Variants in KCNH3 observed in about 807,000 individuals in gnomAD.
KCNH3 encodes the protein voltage-gated inwardly rectifying potassium channel KCNH3.
Under a neutral mutation model 95.6 loss-of-function variants are expected in KCNH3, and 36 were observed. That is an observed-to-expected ratio of 0.38 (90% confidence interval 0.29 to 0.50). KCNH3 has a LOEUF of 0.50. KCNH3 is among the 20% of genes least tolerant of loss of function. The pLI, the probability that KCNH3 is intolerant of heterozygous loss-of-function variation, is 0.95. For synonymous variants in KCNH3, 620 were observed against 646.3 expected (o/e 0.96, Z 0.62); for missense variants, 1,030 against 1,484.1 (o/e 0.69, Z 5.03).
intron 10 of KCNH3, among the ~76,000 whole-genome samples, chr12:49,551,819 C>A (rs188549886): frequency 6.6e-6 from 1 of 152,256 alleles, no homozygotes; most frequent in East Asian, 1.9e-4. Flanking sequence ...GTTTCTCATT[C>A]ATCTGGCAAT....
intron 5 of KCNH3, 43 bp from the exon 6 acceptor site, chr12:49,543,872 C>A: frequency 1.0e-6 from 1 of 996,444 alleles, no homozygotes; most frequent in South Asian, 1.5e-5. Context: ...AGAGTGGCTG[C>A]CCCCCCAGCC....
intron 13 of KCNH3, chr12:49,556,896 T>C (rs1938477072): frequency 1.6e-6 from 1 of 609,086 alleles, no homozygotes; most frequent in Non-Finnish European, 3.0e-6. Context: ...AATGAGCTCC[T>C]AGGAATGTCC....
chr12:49,549,993 C>T, intron 9 of KCNH3, 87 bp from the exon 10 acceptor site: 4 of 1,396,970 alleles, frequency 2.9e-6, no homozygotes, highest in Non-Finnish European at 3.8e-6. Flanking sequence ...GTTCCTGAGG[C>T]CTGCCAGGGT....
intron 10 of KCNH3, among the ~76,000 whole-genome samples, chr12:49,553,984 A>T (rs550953645): frequency 6.6e-6 from 1 of 152,274 alleles, no homozygotes; most frequent in Admixed American, 6.5e-5. Context: ...GTTTGTTCTG[A>T]CTTTTGCAGG....
chr12:49,543,619 G>C lies in KCNH3; in HGVS notation c.823+101G>C, dbSNP rs1000522784. ...TCCAGGGTGCTACAGTGCCCCCCTC[G>C]CTCTCTCTCATTTGTAACCTGTGAG... On this transcript the variant is annotated intron_variant, in intron 5 of 14. Coordinates refer to ENST00000257981, the MANE Select transcript of KCNH3 (RefSeq NM_012284.3). 3.5e-6 allele frequency: 5 copies of C among 1,438,282 alleles called. No homozygotes were observed. In the South Asian group the frequency reaches 6.7e-5, roughly 19 times the overall value. The allele number at this position is 1,438,282 out of a possible 1,614,324, so 89.1% of individuals were successfully genotyped here.
Position 49,541,023 on chromosome 12 carries a change from C to T in KCNH3, c.201C>T (p.Cys67=). ...AGGTCATGCAGCGGGGCTGTGCCTG[C>T]TCCTTCCTTTATGGGCCAGACACCA... The part of the protein sequence containing the change: ...RAEVMQRGCA[C]SFLYGPDTSE... The change falls in exon 2 of 15, where the codon TGC becomes TGT. Residue 67 remains cysteine, a synonymous_variant. Transcript: ENST00000257981. The T allele has an allele frequency of 6.2e-7, 1 of 1,614,030 alleles. No homozygotes were observed. Among genetic ancestry groups the T allele is most frequent in the Non-Finnish European group, 8.5e-7 (1 of 1,180,044 alleles).
intron 8 of KCNH3, 64 bp from the exon 9 acceptor site, chr12:49,549,377 G>GC (rs1376523096): frequency 5.7e-6 from 9 of 1,574,870 alleles, no homozygotes; most frequent in Non-Finnish European, 7.8e-6. Context: ...GGACAGATGA[G>GC]CCCAGCGTGG....
intron 10 of KCNH3, among the ~76,000 whole-genome samples, chr12:49,553,313 CTGT>C (rs199602952): frequency 5.2e-4 from 79 of 152,060 alleles, no homozygotes; most frequent in African/African-American, 8.2e-4. Flanking sequence ...ATTTTTGCTG[CTGT>C]TGTTGTTGTT....
Position 49,558,013 on chromosome 12 carries a change from TCA to T in KCNH3, c.*61_*62del. On this transcript the variant is annotated 3_prime_UTR_variant, in exon 15 of 15. Coordinates refer to ENST00000257981, the MANE Select transcript of KCNH3 (RefSeq NM_012284.3). ...CTGCCATCTGCTGTTCGGCCCAACC[TCA>T]GAGTGAAGGCAGGGTGGCAGCCTCC... is the stretch of plus-strand genomic sequence containing the variant. The T allele has an allele frequency of 1.4e-6, 2 of 1,418,208 alleles. No individual in the cohort carries two copies. Among genetic ancestry groups the T allele is most frequent in the Admixed American group, 2.5e-5 (1 of 39,502 alleles). The allele number at this position is 1,418,208 out of a possible 1,614,324, so 87.9% of individuals were successfully genotyped here.
intron 12 of KCNH3, 130 bp from the exon 13 acceptor site, chr12:49,556,240 T>G: frequency 1.4e-6 from 1 of 722,946 alleles, no homozygotes; most frequent in African/African-American, 1.8e-5. Flanking sequence ...CATGTTAGCT[T>G]TCTCCTGGGC....
chr12:49,555,581 G>A, intron 11 of KCNH3, 39 bp from the exon 12 acceptor site: 2 of 1,358,814 alleles, frequency 1.5e-6, no homozygotes, highest in African/African-American at 1.5e-5. Flanking sequence ...ACACAATAGT[G>A]ACCATCCATG....
intron 14 of KCNH3, 23 bp downstream of exon 14, chr12:49,557,282 G>A (rs768546723): frequency 2.5e-6 from 4 of 1,613,888 alleles, no homozygotes; most frequent in Admixed American, 1.7e-5. Context: ...GAAGGTGGAG[G>A]TGAGGGGGGC....
At chr12:49,556,200 T>G in intron 12 of KCNH3, 170 bp from the exon 13 acceptor site, 2 of 627,620 alleles carry the variant, frequency 3.2e-6, no homozygotes, top group Non-Finnish European at 5.7e-6. Flanking sequence ...GCCCCCCAGC[T>G]AAACTGTAAG....
At position 49,557,443 on chromosome 12, in the gene KCNH3, G is replaced by A; in HGVS notation, c.2742G>A (p.Arg914=). Residue 914 remains arginine (R), a synonymous_variant, in exon 15 of 15, where the codon AGG becomes AGA. Coordinates refer to ENST00000257981, the MANE Select transcript of KCNH3 (RefSeq NM_012284.3). ...TGCAGCTTGTCCTGGCGCCCCACAG[G>A]GAGGGTCCGTGCCCTCGGGCATCGG... ...QAVQLVLAPH[R]EGPCPRASGE... 6.2e-7 allele frequency: 1 copy of A among 1,609,196 alleles called. No homozygotes were observed. Among genetic ancestry groups the A allele is most frequent in the Non-Finnish European group, 8.5e-7 (1 of 1,177,528 alleles).
intron 7 of KCNH3, among the ~76,000 whole-genome samples, chr12:49,548,048 A>C (rs1244321545): frequency 6.6e-6 from 1 of 151,260 alleles, no homozygotes; most frequent in East Asian, 1.9e-4. Flanking sequence ...CTTCGGGCTG[A>C]GGGGCAATCC....
At position 49,549,457 on chromosome 12, in the gene KCNH3, G is replaced by A. The variant is rs1240210725; in HGVS notation, c.1485G>A (p.Val495=). ...TMLIGALMHA[V]VFGNVTAIIQ... is the part of the protein sequence containing the mutation. ...CTCCCCCAGCCCTGATGCACGCGGT[G>A]GTGTTTGGGAACGTGACGGCCATCA... The change falls in exon 9 of 15, where the codon GTG becomes GTA. Residue 495 remains valine, a synonymous_variant. Coordinates refer to ENST00000257981, the MANE Select transcript of KCNH3 (RefSeq NM_012284.3). The A allele has an allele frequency of 1.2e-6, 2 of 1,613,510 alleles. No individual in the cohort carries two copies. The highest frequency in any genetic ancestry group is 4.5e-5 in the East Asian group (2 of 44,876).
At chr12:49,553,841 G>C (rs1938342367) in intron 10 of KCNH3, among the ~76,000 whole-genome samples, 1 of 152,220 alleles carries the variant, frequency 6.6e-6, no homozygotes, top group African/African-American at 2.4e-5. Context: ...GCCACACAGG[G>C]CTCTAATTTG....
At position 49,543,877 on chromosome 12, in the gene KCNH3, C is replaced by T. The variant is rs376939446; in HGVS notation, c.824-38C>T. ...TGTCCAGGCAAGAGTGGCTGCCCCC[C>T]CAGCCCCAGTGCTGACTCCCACCCG... is the stretch of plus-strand genomic sequence containing the variant. On this transcript the variant is annotated intron_variant, in intron 5 of 14. Transcript: ENST00000257981. 7.6e-6 allele frequency: 12 copies of T among 1,584,994 alleles called. No homozygotes were observed. In the Middle Eastern group the frequency reaches 5.0e-4, roughly 66 times the overall value.
Position 49,543,903 on chromosome 12 carries a change from G to A in KCNH3, c.824-12G>A. 2 of 1,600,368 alleles carry A rather than the reference G, an allele frequency of 1.2e-6. No individual in the cohort carries two copies. Among genetic ancestry groups the A allele is most frequent in the Non-Finnish European group, 1.7e-6 (2 of 1,168,988 alleles). ...CAGCCCCAGTGCTGACTCCCACCCG[G>A]ATTCCCCACAGACATTGTGCTGAAT... On this transcript the variant is annotated splice_polypyrimidine_tract_variant and intron_variant, in intron 5 of 14. Coordinates refer to ENST00000257981, the MANE Select transcript of KCNH3 (RefSeq NM_012284.3).
Sources: gnomAD v4.1 joint callset for allele counts (sites outside exome capture counted in the v4.1 genomes callset) on GRCh38, gnomAD v4.1.1 for gene constraint, MANE v1.5 for transcripts, NCBI Gene and HGNC (gene_info 2026-07-23, HGNC 2026-07-21) for gene names.